SAMSN1: variants seen among roughly 807,000 people sequenced by gnomAD.
SAMSN1 encodes SAM domain, SH3 domain and nuclear localization signals 1.
Under a neutral mutation model 42.0 loss-of-function variants are expected in SAMSN1, and 31 were observed. That is an observed-to-expected ratio of 0.74 (90% CI 0.55 to 1.00). The LOEUF is 1.00. Among genes scored for constraint, SAMSN1 ranks in the 50% least tolerant of loss-of-function variants. The pLI, the probability that SAMSN1 is intolerant of heterozygous loss-of-function variation, is 0.00. For synonymous variants in SAMSN1, 178 were observed against 151.9 expected (o/e 1.17, Z -1.26); for missense variants, 464 against 439.4 (o/e 1.06, Z -0.50).
chr21:14,588,001 G>C (rs1310923032), upstream of SAMSN1, among the ~76,000 whole-genome samples: 18 of 134,472 alleles, frequency 1.3e-4, no homozygotes, highest in Non-Finnish European at 2.5e-4. Flanking sequence ...GCGGTGTTTG[G>C]TTTTTTGTTC....
intron 3 of SAMSN1, among the ~76,000 whole-genome samples, chr21:14,614,208 C>A (rs1982775868): frequency 6.6e-6 from 1 of 152,004 alleles, no homozygotes; most frequent in Non-Finnish European, 1.5e-5. Context: ...AAAAATAATT[C>A]TTATTTTTTA....
intron 2 of SAMSN1, among the ~76,000 whole-genome samples, chr21:14,640,985 T>C (rs896891528): frequency 3.7e-5 from 5 of 136,758 alleles, no homozygotes; most frequent in African/African-American, 1.3e-4. Flanking sequence ...CATGAAATGG[T>C]TTGGTTTTTA....
intron 2 of SAMSN1, among the ~76,000 whole-genome samples, chr21:14,628,929 T>C (rs1293288242): frequency 1.2e-4 from 18 of 152,166 alleles, no homozygotes; most frequent in Admixed American, 6.5e-4. Flanking sequence ...TATAGGTAAA[T>C]TTATAGATGG....
At chr21:14,634,208 A>AG (rs920805076) in intron 2 of SAMSN1, among the ~76,000 whole-genome samples, 13 of 151,758 alleles carry the variant, frequency 8.6e-5, no homozygotes, top group Admixed American at 5.3e-4. Flanking sequence ...CTATAAAAAA[A>AG]ACCCTAGAAG....
intron 7 of SAMSN1, among the ~76,000 whole-genome samples, chr21:14,493,572 ACAACACACACACACACACACACACAC>A (rs1159276497): frequency 7.6e-6 from 1 of 131,722 alleles, no homozygotes; most frequent in African/African-American, 3.4e-5. Context: ...TGTTTATGGA[ACAACACACACACACACACACACACAC>A]ACACACACAC....
At chr21:14,549,360 G>T (rs1482684863), upstream of SAMSN1, among the ~76,000 whole-genome samples, 1 of 152,076 alleles carries the variant, frequency 6.6e-6, no homozygotes, top group African/African-American at 2.4e-5. Context: ...TTTATTTTAG[G>T]ACATGTACAC....
At chr21:14,642,106 A>G (rs1983611272) in intron 2 of SAMSN1, among the ~76,000 whole-genome samples, 1 of 152,212 alleles carries the variant, frequency 6.6e-6, no homozygotes, top group Non-Finnish European at 1.5e-5. Context: ...TCATCTTCAC[A>G]TTGAGTAGGC....
Position 14,603,948 on chromosome 21 carries a change from G to T in SAMSN1, c.323-1849C>A, listed in dbSNP as rs1022033613. ...GATATACAAATATACGGATTTTAAT[G>T]TAAAATTTCCTGATTTTTAAAACGC... On this transcript the variant is annotated intron_variant, in intron 5 of 15. Transcript: ENST00000647101. Among the ~76,000 whole-genome samples, 20 of 152,032 alleles carry T rather than the reference G, an allele frequency of 1.3e-4. 2 individuals carry two copies. The highest frequency in any genetic ancestry group is 1.3e-3 in the Admixed American group (20 of 15,248).
intron 1 of SAMSN1, among the ~76,000 whole-genome samples, chr21:14,644,980 G>A (rs1386062875): frequency 2.0e-5 from 3 of 152,120 alleles, no homozygotes; most frequent in African/African-American, 7.2e-5. Flanking sequence ...TGGTTTGAGT[G>A]CCAGCTCAGC....
chr21:14,546,992 G>A (rs1318483429), upstream of SAMSN1, among the ~76,000 whole-genome samples: 1 of 151,968 alleles, frequency 6.6e-6, no homozygotes, highest in Non-Finnish European at 1.5e-5. Context: ...TACAGGCATG[G>A]TATATTTCTA....
chr21:14,594,182 G>T, intron 6 of SAMSN1: 3 of 598,026 alleles, frequency 5.0e-6, no homozygotes, highest in Non-Finnish European at 9.0e-6. Flanking sequence ...GAAAGGATTC[G>T]CTGTCTTAAT....
chr21:14,631,226 G>A (rs1466281315), intron 2 of SAMSN1, among the ~76,000 whole-genome samples: 1 of 152,104 alleles, frequency 6.6e-6, no homozygotes, highest in Admixed American at 6.6e-5. Context: ...TATGTACTTA[G>A]AGTTAACACC....
At chr21:14,595,873 A>G (rs1262237739) in intron 6 of SAMSN1, among the ~76,000 whole-genome samples, 1 of 152,172 alleles carries the variant, frequency 6.6e-6, no homozygotes, top group Non-Finnish European at 1.5e-5. Context: ...TATTTTTGAC[A>G]CAGTATATAA....
chr21:14,559,049 A>G (rs920494891), intron 2 of SAMSN1, among the ~76,000 whole-genome samples: 2 of 152,096 alleles, frequency 1.3e-5, no homozygotes, highest in African/African-American at 4.8e-5. Flanking sequence ...ATCTCCACTA[A>G]AATCCTGGCC....
chr21:14,599,062 A>T (rs1187817998), intron 6 of SAMSN1, among the ~76,000 whole-genome samples: 2 of 152,202 alleles, frequency 1.3e-5, no homozygotes, highest in Non-Finnish European at 2.9e-5. Flanking sequence ...AGTCAAAATC[A>T]TGAGATATCC....
chr21:14,504,919 G>A (rs558921043), intron 5 of SAMSN1, among the ~76,000 whole-genome samples: 24 of 152,296 alleles, frequency 1.6e-4, no homozygotes, highest in Admixed American at 3.3e-4. Context: ...AACCCAACAC[G>A]CTAGAAGGGA....
intron 6 of SAMSN1, among the ~76,000 whole-genome samples, chr21:14,597,219 T>G (rs1388803864): frequency 6.6e-6 from 1 of 152,026 alleles, no homozygotes; most frequent in Non-Finnish European, 1.5e-5. Context: ...CTCTCCTGCT[T>G]GTTAATATAT....
At chr21:14,558,636 T>G (rs1882917) in intron 2 of SAMSN1, among the ~76,000 whole-genome samples, 99,121 of 151,902 alleles carry the variant, frequency 0.65, 34,746 homozygotes, top group African/African-American at 0.91. Flanking sequence ...AGCCGACATC[T>G]CATCACTGCA....
Position 14,643,113 on chromosome 21 carries a change from T to TA in SAMSN1, c.44dup (p.Leu15PhefsTer3). 1 of 717,374 alleles carries TA rather than the reference T, an allele frequency of 1.4e-6. No individual in the cohort carries two copies. 44.4% of individuals were successfully genotyped at this position (717,374 alleles called of 1,614,324 possible). A position where few individuals can be genotyped will look rare whatever the true frequency, so the allele number is the denominator to read the frequency against. On this transcript the variant is annotated frameshift_variant, in exon 2 of 16. Transcript: ENST00000647101. LOFTEE classifies it high-confidence loss of function. ...CTTGTTGCTCTGGGATTGGCTCATA[T>TA]AAGCTATCCATAGAGCCCTCCTGCA... is the stretch of plus-strand genomic sequence containing the variant.
Sources: gnomAD v4.1 joint callset for allele counts (sites outside exome capture counted in the v4.1 genomes callset) on GRCh38, gnomAD v4.1.1 for gene constraint, MANE v1.5 for transcripts, NCBI Gene and HGNC (gene_info 2026-07-23, HGNC 2026-07-21) for gene names.